Variants in ULK4 observed in about 807,000 individuals in gnomAD.
The protein encoded by ULK4 is unc-51 like kinase 4.
ULK4 carries 133 observed loss-of-function variants against 160.6 expected under a neutral mutation model. The ratio of observed to expected loss-of-function variants is 0.83; its 90% CI spans 0.72 to 0.96. ULK4 has a LOEUF of 0.96. Ranked by LOEUF, ULK4 falls within the 40% of genes least tolerant of loss-of-function variation. ULK4 has a pLI of 0.00. For synonymous variants in ULK4, 534 were observed against 539.8 expected (o/e 0.99, Z 0.15); for missense variants, 1,580 against 1,499.5 (o/e 1.05, Z -0.89).
chr3:41,699,579 T>A (rs2036605209), intron 27 of ULK4, among the ~76,000 whole-genome samples: 1 of 152,228 alleles, frequency 6.6e-6, no homozygotes. Context: ...TGATTTCAAC[T>A]CTGAGGAGCT....
At position 41,938,489 on chromosome 3, in the gene ULK4, C is replaced by G. The variant is rs540533829; in HGVS notation, c.139-292G>C. 8.8e-4 allele frequency among the ~76,000 whole-genome samples: 134 copies of G among 152,224 alleles called. 2 individuals are homozygous for G. Among genetic ancestry groups the G allele is most frequent in the African/African-American group, 3.1e-3 (130 of 41,540 alleles). On this transcript the variant is annotated intron_variant, in intron 2 of 36. Coordinates refer to ENST00000301831, the MANE Select transcript of ULK4 (RefSeq NM_017886.4). ...TTGAGGTCAGGAGTACAAGAGCAGCCTGACCAACGCGGTGAAACCCCGTCT... is the reference window on the plus strand; with the variant it reads ...TTGAGGTCAGGAGTACAAGAGCAGCGTGACCAACGCGGTGAAACCCCGTCT...
intron 30 of ULK4, among the ~76,000 whole-genome samples, chr3:41,620,508 A>G (rs1235270480): frequency 3.3e-5 from 5 of 152,164 alleles, no homozygotes; most frequent in Non-Finnish European, 4.4e-5. Context: ...ATAACAAATG[A>G]CAAAACCACA....
intron 19 of ULK4, among the ~76,000 whole-genome samples, chr3:41,810,997 C>T (rs555174333): frequency 4.7e-5 from 7 of 150,502 alleles, no homozygotes; most frequent in African/African-American, 1.7e-4. Context: ...AATCCTTCTG[C>T]CTCAACTTCC....
At chr3:41,443,710 G>A (rs1406780148) in intron 34 of ULK4, among the ~76,000 whole-genome samples, 1 of 151,438 alleles carries the variant, frequency 6.6e-6, no homozygotes, top group Admixed American at 6.6e-5. Context: ...TATATATCGT[G>A]ATACATATTA....
intron 31 of ULK4, among the ~76,000 whole-genome samples, chr3:41,578,500 G>C (rs1267568982): frequency 6.6e-6 from 1 of 152,180 alleles, no homozygotes; most frequent in Non-Finnish European, 1.5e-5. Flanking sequence ...ATTAATGGTT[G>C]CGACAGTATA....
chr3:41,517,139 C>T lies in ULK4; in HGVS notation c.3226+48886G>A, dbSNP rs1156399362. Among the ~76,000 whole-genome samples, 3 of 152,262 alleles carry T rather than the reference C, an allele frequency of 2.0e-5. No individual in the cohort carries two copies. The East Asian group carries it at 5.8e-4, about 29-fold the overall frequency. On this transcript the variant is annotated intron_variant, in intron 32 of 36. Coordinates refer to ENST00000301831, the MANE Select transcript of ULK4 (RefSeq NM_017886.4). Reference sequence around the variant, plus strand: ...GGAAAGGATACTTAATATCATATGTCATTAGGGAATTACAAATTAAAAGAA... The same window carrying T: ...GGAAAGGATACTTAATATCATATGTTATTAGGGAATTACAAATTAAAAGAA...
intron 35 of ULK4, among the ~76,000 whole-genome samples, chr3:41,338,426 T>C (rs562672013): frequency 6.6e-6 from 1 of 152,336 alleles, no homozygotes; most frequent in African/African-American, 2.4e-5. Flanking sequence ...ATTTCTGGAT[T>C]ATGTGGGTTC....
chr3:41,440,193 T>G (rs1000336526), intron 34 of ULK4, among the ~76,000 whole-genome samples: 1 of 152,142 alleles, frequency 6.6e-6, no homozygotes, highest in Admixed American at 6.5e-5. Flanking sequence ...TTTAATTATT[T>G]TTCTTGTTTG....
intron 19 of ULK4, among the ~76,000 whole-genome samples, chr3:41,811,292 G>A (rs769815820): frequency 6.6e-6 from 1 of 152,130 alleles, no homozygotes; most frequent in Non-Finnish European, 1.5e-5. Flanking sequence ...AAACTCCTGG[G>A]CTCAAACGAT....
chr3:41,800,022 G>A, intron 20 of ULK4, 110 bp downstream of exon 20: 2 of 1,096,560 alleles, frequency 1.8e-6, no homozygotes, highest in South Asian at 5.0e-5. Context: ...ATTACTCTGA[G>A]ATTTCAGTTT....
intron 27 of ULK4, among the ~76,000 whole-genome samples, chr3:41,689,737 T>G (rs1327375457): frequency 6.6e-6 from 1 of 152,086 alleles, no homozygotes; most frequent in Non-Finnish European, 1.5e-5. Context: ...AATACCACAA[T>G]GAGATACCAT....
intron 34 of ULK4, among the ~76,000 whole-genome samples, chr3:41,448,019 A>T (rs1411967820): frequency 6.6e-6 from 1 of 152,194 alleles, no homozygotes; most frequent in Non-Finnish European, 1.5e-5. Context: ...ACTTGAATCT[A>T]TGTCTTACCA....
chr3:41,905,022 T>C (rs1458274490), intron 12 of ULK4, among the ~76,000 whole-genome samples: 1 of 152,170 alleles, frequency 6.6e-6, no homozygotes, highest in Non-Finnish European at 1.5e-5. Context: ...GAAATGCAAG[T>C]GACCCAGAAC....
intron 35 of ULK4, among the ~76,000 whole-genome samples, chr3:41,279,015 T>C (rs779809253): frequency 3.9e-5 from 6 of 152,096 alleles, no homozygotes; most frequent in Non-Finnish European, 5.9e-5. Context: ...TAAAGGAGCA[T>C]GTTCTAACCC....
intron 27 of ULK4, among the ~76,000 whole-genome samples, chr3:41,698,140 G>A (rs2036560247): frequency 6.6e-6 from 1 of 152,140 alleles, no homozygotes; most frequent in South Asian, 2.1e-4. Flanking sequence ...GTTGGTGTAA[G>A]TACATTCTAT....
intron 35 of ULK4, among the ~76,000 whole-genome samples, chr3:41,263,906 AG>A (rs2078986614): frequency 6.6e-6 from 1 of 152,230 alleles, no homozygotes; most frequent in Non-Finnish European, 1.5e-5. Context: ...GAGAAATAGC[AG>A]GGGGTGCCGG....
intron 32 of ULK4, among the ~76,000 whole-genome samples, chr3:41,548,107 T>C (rs2086927820): frequency 6.6e-6 from 1 of 152,156 alleles, no homozygotes; most frequent in Non-Finnish European, 1.5e-5. Flanking sequence ...CCGCTGCTGC[T>C]GCCACCTGAG....
At chr3:41,527,383 G>GACCAGTGTGGAC (rs1403565375) in intron 32 of ULK4, among the ~76,000 whole-genome samples, 1 of 152,214 alleles carries the variant, frequency 6.6e-6, no homozygotes, top group African/African-American at 2.4e-5. Context: ...CTATGTGTGG[G>GACCAGTGTGGAC]ACACTGGTCC....
intron 35 of ULK4, among the ~76,000 whole-genome samples, chr3:41,315,983 A>T (rs2080136248): frequency 6.6e-6 from 1 of 152,192 alleles, no homozygotes; most frequent in Non-Finnish European, 1.5e-5. Flanking sequence ...AGAGTCTGGG[A>T]GTTCCCCAAA....
Sources: gnomAD v4.1 joint callset for allele counts (sites outside exome capture counted in the v4.1 genomes callset) on GRCh38, gnomAD v4.1.1 for gene constraint, MANE v1.5 for transcripts, NCBI Gene and HGNC (gene_info 2026-07-23, HGNC 2026-07-21) for gene names.